PHACTR2: variants seen among roughly 807,000 people sequenced by gnomAD.
The protein encoded by PHACTR2 is chromosome 6 open reading frame 56.
Under a neutral mutation model 76.0 loss-of-function variants are expected in PHACTR2, and 30 were observed. The ratio of observed to expected loss-of-function variants is 0.39; its 90% CI spans 0.30 to 0.54. PHACTR2 has a LOEUF of 0.54. Ranked by LOEUF, PHACTR2 falls within the 20% of genes least tolerant of loss-of-function variation. The pLI is 0.61. For synonymous variants in PHACTR2, 292 were observed against 292.5 expected, an observed-to-expected ratio of 1.00 and a Z score of 0.02; for missense variants, 696 against 781.1, an observed-to-expected ratio of 0.89 and a Z score of 1.30.
Position 143,807,003 on chromosome 6 carries a change from G to A in PHACTR2, c.1846-54G>A, listed in dbSNP as rs546067767. On this transcript the variant is annotated intron_variant, in intron 11 of 12. Coordinates refer to ENST00000440869, the MANE Select transcript of PHACTR2 (RefSeq NM_001100164.2). This position sits in a 1 kb window ranked among gnomAD's most constrained non-coding sequence, Gnocchi z 5.5. ...GCTTCATTGATGCTGTATATACTGGGGCAATATATGACCTAAATAACAGTT... is the reference window on the plus strand; with the variant it reads ...GCTTCATTGATGCTGTATATACTGGAGCAATATATGACCTAAATAACAGTT... 8.6e-5 allele frequency: 81 copies of A among 942,862 alleles called. No homozygotes were observed. Among genetic ancestry groups the A allele is most frequent in the South Asian group, 6.5e-4 (46 of 70,366 alleles). The allele number at this position is 942,862 out of a possible 1,614,324, so 58.4% of individuals were successfully genotyped here.
chr6:143,754,606 G>A lies in PHACTR2; in HGVS notation c.454+694G>A, dbSNP rs1241163770. Among the ~76,000 whole-genome samples, 2 of 152,170 alleles carry A rather than the reference G, an allele frequency of 1.3e-5. No individual in the cohort carries two copies. Among genetic ancestry groups the A allele is most frequent in the African/African-American group, 4.8e-5 (2 of 41,428 alleles). On this transcript the variant is annotated intron_variant, in intron 4 of 12. Transcript: ENST00000440869. The surrounding 1 kb of genome is among the most constrained non-coding windows in gnomAD (Gnocchi z 6.2). ...AGATTGAGATACCTGCAAAATACATGTCTATCAGGGACTCCCAGAACATTC... is the reference window on the plus strand; with the variant it reads ...AGATTGAGATACCTGCAAAATACATATCTATCAGGGACTCCCAGAACATTC...
rs953911998 is a variant in PHACTR2 at position 143,602,813 on chromosome 6, C to T, written c.217+65606C>T. Among the ~76,000 whole-genome samples, 2 of 152,070 alleles carry T rather than the reference C, an allele frequency of 1.3e-5. No homozygotes were observed. The highest frequency in any genetic ancestry group is 4.8e-5 in the African/African-American group (2 of 41,412). ...CCAGACACCAGGCAATCTGGATGTG[C>T]AGAAAAGTTTCACAGCCTCTGCATT... On this transcript the variant is annotated intron_variant, in intron 1 of 11. Coordinates refer to the PHACTR2 transcript ENST00000367584. This position sits in a 1 kb window ranked among gnomAD's most constrained non-coding sequence, Gnocchi z 6.1.
chr6:143,552,917 C>T (rs1367342914), intron 1 of PHACTR2, among the ~76,000 whole-genome samples: 1 of 142,228 alleles, frequency 7.0e-6, no homozygotes, highest in Non-Finnish European at 1.5e-5. Context: ...AAGCAAAAAA[C>T]TAACCAACCA....
At chr6:143,817,328 A>AGTTAGATGAGC (rs1452868142) in intron 12 of PHACTR2, among the ~76,000 whole-genome samples, 1 of 152,202 alleles carries the variant, frequency 6.6e-6, no homozygotes, top group Non-Finnish European at 1.5e-5. Flanking sequence ...CTTTTAACTA[A>AGTTAGATGAGC]TTTTTAGAAA....
intron 1 of PHACTR2, among the ~76,000 whole-genome samples, chr6:143,542,489 G>T (rs1464959345): frequency 6.6e-6 from 1 of 152,172 alleles, no homozygotes; most frequent in African/African-American, 2.4e-5. Context: ...AGGAATTGAG[G>T]CAACCAATTC....
intron 1 of PHACTR2, among the ~76,000 whole-genome samples, chr6:143,563,798 C>A (rs1223811450): frequency 6.6e-6 from 1 of 150,980 alleles, no homozygotes; most frequent in African/African-American, 2.4e-5. Context: ...GAGTTCAAGA[C>A]CAGCCTGGGC....
intron 1 of PHACTR2, among the ~76,000 whole-genome samples, chr6:143,574,790 A>G (rs1459348509): frequency 1.3e-5 from 2 of 151,692 alleles, no homozygotes; most frequent in Non-Finnish European, 2.9e-5. Context: ...TCCTATAAAT[A>G]TTTCATTTTT....
rs1191908128 is a variant in PHACTR2, at chr6:143,553,299, G to C, written c.217+16092G>C. Among the ~76,000 whole-genome samples the C allele has an allele frequency of 6.6e-6, 1 of 152,242 alleles. No individual in the cohort carries two copies. Among genetic ancestry groups the C allele is most frequent in the African/African-American group, 2.4e-5 (1 of 41,470 alleles). Reference sequence around the variant, plus strand: ...ATTGCTATAGAGAACTATTCAGTGTGAACTGAACAACTTCAATTTGTACAG... The same window carrying C: ...ATTGCTATAGAGAACTATTCAGTGTCAACTGAACAACTTCAATTTGTACAG... On this transcript the variant is annotated intron_variant, in intron 1 of 11. Transcript: ENST00000367584. The surrounding 1 kb of genome is among the most constrained non-coding windows in gnomAD (Gnocchi z 4.2).
At chr6:143,701,707 T>G (rs1777916045) in intron 1 of PHACTR2, among the ~76,000 whole-genome samples, 1 of 152,186 alleles carries the variant, frequency 6.6e-6, no homozygotes, top group African/African-American at 2.4e-5. Flanking sequence ...AGCCTCAACT[T>G]CCTCATCTAT....
At chr6:143,728,005 A>C (rs935103781) in intron 2 of PHACTR2, among the ~76,000 whole-genome samples, 10 of 150,754 alleles carry the variant, frequency 6.6e-5, no homozygotes, top group East Asian at 2.0e-4. Flanking sequence ...CAAGAGAAAG[A>C]AATAAAAGGC....
rs1422714410 is a variant in PHACTR2 at position 143,755,764 on chromosome 6, A to G, written c.454+1852A>G. Among the ~76,000 whole-genome samples the G allele has an allele frequency of 6.6e-6, 1 of 152,224 alleles. No individual in the cohort carries two copies. The highest frequency in any genetic ancestry group is 1.5e-5 in the Non-Finnish European group (1 of 68,040). On this transcript the variant is annotated intron_variant, in intron 4 of 12. Transcript: ENST00000440869. The surrounding 1 kb of genome is among the most constrained non-coding windows in gnomAD (Gnocchi z 5.2). Reference sequence around the variant, plus strand: ...AAAGCCACAAGGAGAAGCGCTAGGTATAGAAGCCACTTCGTGAGACTGAAA... The same window carrying G: ...AAAGCCACAAGGAGAAGCGCTAGGTGTAGAAGCCACTTCGTGAGACTGAAA...
chr6:143,706,692 A>G (rs1002145968), intron 1 of PHACTR2, among the ~76,000 whole-genome samples: 5 of 152,214 alleles, frequency 3.3e-5, no homozygotes, highest in Non-Finnish European at 7.3e-5. Context: ...TTTGCCATTT[A>G]TCTTACCCTT....
rs564298884 is a variant in PHACTR2, at chr6:143,799,654, A to T, written c.1846-7403A>T. 2.6e-5 allele frequency among the ~76,000 whole-genome samples: 4 copies of T among 152,340 alleles called. No homozygotes were observed. The East Asian group carries it at 7.7e-4, about 29-fold the overall frequency. On this transcript the variant is annotated intron_variant, in intron 11 of 12. Coordinates refer to ENST00000440869, the MANE Select transcript of PHACTR2 (RefSeq NM_001100164.2). Reference sequence around the variant, plus strand: ...TCATTTCGTTATTTATCAAGTAGTCATTCAGGAGCAGGTTGTTCAGTTTCC... The same window carrying T: ...TCATTTCGTTATTTATCAAGTAGTCTTTCAGGAGCAGGTTGTTCAGTTTCC...
intron 5 of PHACTR2, among the ~76,000 whole-genome samples, chr6:143,762,799 G>A (rs957124884): frequency 4.6e-5 from 7 of 152,102 alleles, no homozygotes; most frequent in Admixed American, 2.6e-4. Context: ...CAGAGAAATC[G>A]GGTTAAATCT....
rs1353481361 is a variant in PHACTR2, at chr6:143,672,862, T to G, written c.14-39154T>G. Among the ~76,000 whole-genome samples the G allele has an allele frequency of 1.3e-5, 2 of 152,036 alleles. No homozygotes were observed. Among genetic ancestry groups the G allele is most frequent in the Non-Finnish European group, 2.9e-5 (2 of 67,986 alleles). ...GCCTCAGCCTCCCAAGTAGCTGAGA[T>G]TACAGGAGTGCACCACCACGCCTGG... On this transcript the variant is annotated intron_variant, in intron 1 of 11. Transcript: ENST00000305766. This position sits in a 1 kb window ranked among gnomAD's most constrained non-coding sequence, Gnocchi z 5.8.
intron 1 of PHACTR2, among the ~76,000 whole-genome samples, chr6:143,649,758 G>T (rs1776724085): frequency 6.6e-6 from 1 of 152,158 alleles, no homozygotes; most frequent in Admixed American, 6.6e-5. Flanking sequence ...GGAAAAGCTG[G>T]AAGCATTCAC....
chr6:143,659,932 T>C lies in PHACTR2; in HGVS notation c.13+51610T>C, dbSNP rs1776918024. Among the ~76,000 whole-genome samples, 2 of 152,160 alleles carry C rather than the reference T, an allele frequency of 1.3e-5. No homozygotes were observed. Among genetic ancestry groups the C allele is most frequent in the Non-Finnish European group, 2.9e-5 (2 of 68,018 alleles). On this transcript the variant is annotated intron_variant, in intron 1 of 11. Coordinates refer to the PHACTR2 transcript ENST00000305766. The surrounding 1 kb of genome is among the most constrained non-coding windows in gnomAD (Gnocchi z 5.0). ...AAGGCCAGTAACATTAAAAGAGAAGTTGAACAGAACTTTAACTGGGAACAC... is the reference window on the plus strand; with the variant it reads ...AAGGCCAGTAACATTAAAAGAGAAGCTGAACAGAACTTTAACTGGGAACAC...
At position 143,610,177 on chromosome 6, in the gene PHACTR2, A is replaced by G. The variant is rs1775953672; in HGVS notation, c.13+1855A>G. 6.6e-6 allele frequency among the ~76,000 whole-genome samples: 1 copy of G among 152,178 alleles called. No homozygotes were observed. The highest frequency in any genetic ancestry group is 2.1e-4 in the South Asian group (1 of 4,824). ...TTTCATGGTAATTTTTTGATGAGGT[A>G]AGCAGCCTCTCTTACAGGAGGAAAA... is the stretch of plus-strand genomic sequence containing the variant. On this transcript the variant is annotated intron_variant, in intron 1 of 11. Coordinates refer to the PHACTR2 transcript ENST00000305766. The surrounding 1 kb of genome is among the most constrained non-coding windows in gnomAD (Gnocchi z 4.9).
intron 2 of PHACTR2, among the ~76,000 whole-genome samples, chr6:143,737,015 C>T (rs1403229994): frequency 6.6e-6 from 1 of 151,904 alleles, no homozygotes; most frequent in Admixed American, 6.6e-5. Flanking sequence ...TGGATTTGAA[C>T]ACAAAGGTAT....
Sources: allele counts gnomAD v4.1 joint callset (sites outside exome capture counted in the v4.1 genomes callset), GRCh38; gene constraint gnomAD v4.1.1; non-coding constraint Gnocchi (gnomAD v3.1); transcripts MANE v1.5; gene names NCBI Gene and HGNC (gene_info 2026-07-23, HGNC 2026-07-21).